OR51B5: variants seen among roughly 807,000 people sequenced by gnomAD.
The protein encoded by OR51B5 is olfactory receptor family 51 subfamily B member 5, also known as olfactory receptor 51B5.
For synonymous variants in OR51B5, 186 were observed against 144.8 expected (o/e 1.28, Z -2.04); for missense variants, 456 against 374.6 (o/e 1.22, Z -1.79).
At chr11:5,407,955 A>C (rs188841783) in intron 1 of OR51B5, among the ~76,000 whole-genome samples, 3 of 152,130 alleles carry the variant, frequency 2.0e-5, no homozygotes, top group African/African-American at 7.2e-5. Flanking sequence ...AAGATTTGAG[A>C]GAATATATTT....
intron 1 of OR51B5, chr11:5,430,525 C>T: frequency 2.8e-6 from 1 of 360,250 alleles, no homozygotes; most frequent in Non-Finnish European, 5.5e-6. Flanking sequence ...CAGATTCAAG[C>T]CTGTTGCAAT....
At chr11:5,496,371 C>G (rs547385467) in intron 1 of OR51B5, among the ~76,000 whole-genome samples, 3 of 1,352 alleles carry the variant, frequency 2.2e-3, no homozygotes, top group Non-Finnish European at 3.5e-3. Flanking sequence ...AACAAAAATG[C>G]GATCATTCCA....
chr11:5,452,399 G>C (rs544565502), intron 1 of OR51B5, among the ~76,000 whole-genome samples: 5 of 150,944 alleles, frequency 3.3e-5, no homozygotes, highest in Non-Finnish European at 7.4e-5. Flanking sequence ...CCAACTACTC[G>C]GGAGGCTGAG....
At chr11:5,355,763 A>G (rs1475988985) in intron 1 of OR51B5, among the ~76,000 whole-genome samples, 18 of 3,436 alleles carry the variant, frequency 5.2e-3, no homozygotes, top group Non-Finnish European at 0.044. Flanking sequence ...TTTAAAAATT[A>G]AAAAAAAAAA....
intron 1 of OR51B5, among the ~76,000 whole-genome samples, chr11:5,450,426 T>G (rs979037875): frequency 5.3e-5 from 8 of 152,060 alleles, no homozygotes; most frequent in Non-Finnish European, 1.0e-4. Context: ...TGAATAAAAA[T>G]AAGACATAGG....
At chr11:5,406,798 A>G (rs528553000) in intron 1 of OR51B5, among the ~76,000 whole-genome samples, 59 of 152,264 alleles carry the variant, frequency 3.9e-4, no homozygotes, top group Non-Finnish European at 7.9e-4. Context: ...TGAGCCTGAT[A>G]TTTATTGAGA....
chr11:5,436,295 A>G (rs956957799), intron 1 of OR51B5, among the ~76,000 whole-genome samples: 8 of 152,194 alleles, frequency 5.3e-5, no homozygotes, highest in African/African-American at 1.9e-4. Context: ...TAAAATCACA[A>G]TGAAATAATA....
intron 1 of OR51B5, among the ~76,000 whole-genome samples, chr11:5,397,502 T>C (rs1849896071): frequency 6.6e-6 from 1 of 151,054 alleles, no homozygotes. Context: ...CACAATGAGA[T>C]ACCATCTCAC....
chr11:5,499,802 C>T (rs751224997), intron 1 of OR51B5, among the ~76,000 whole-genome samples: 2 of 152,200 alleles, frequency 1.3e-5, no homozygotes, highest in Non-Finnish European at 2.9e-5. Context: ...CAAGTACTAG[C>T]TTGTCAGCTT....
At chr11:5,451,253 A>G (rs1418746294) in intron 1 of OR51B5, among the ~76,000 whole-genome samples, 2 of 152,196 alleles carry the variant, frequency 1.3e-5, no homozygotes, top group Admixed American at 1.3e-4. Flanking sequence ...ACAAATACTA[A>G]AGCATAAGTC....
chr11:5,426,746 CCT>C (rs1389228855), intron 1 of OR51B5, among the ~76,000 whole-genome samples: 2 of 152,148 alleles, frequency 1.3e-5, no homozygotes, highest in Non-Finnish European at 2.9e-5. Flanking sequence ...TCTCTGTCTC[CCT>C]GTTTTTCTCA....
intron 1 of OR51B5, among the ~76,000 whole-genome samples, chr11:5,370,386 G>C (rs1264346770): frequency 6.6e-6 from 1 of 152,128 alleles, no homozygotes; most frequent in Non-Finnish European, 1.5e-5. Context: ...TAAAATAGCT[G>C]GGTTGTCAGG....
chr11:5,395,919 G>T (rs147409576), intron 1 of OR51B5, among the ~76,000 whole-genome samples: 2 of 152,324 alleles, frequency 1.3e-5, no homozygotes, highest in East Asian at 3.9e-4. Flanking sequence ...CTAATAAAAT[G>T]TGTCTATTGA....
chr11:5,347,227 T>C (rs1849007103), upstream of OR51B5, among the ~76,000 whole-genome samples: 1 of 152,180 alleles, frequency 6.6e-6, no homozygotes, highest in Non-Finnish European at 1.5e-5. Context: ...CAGTCAAATC[T>C]TTCCCAGTTT....
intron 1 of OR51B5, among the ~76,000 whole-genome samples, chr11:5,409,947 G>A (rs1850119218): frequency 6.6e-6 from 1 of 152,034 alleles, no homozygotes; most frequent in Non-Finnish European, 1.5e-5. Flanking sequence ...ACAAACAGCT[G>A]GCTTCTCAGT....
chr11:5,457,900 C>T (rs1018086711), intron 1 of OR51B5, among the ~76,000 whole-genome samples: 1 of 151,990 alleles, frequency 6.6e-6, no homozygotes, highest in Non-Finnish European at 1.5e-5. Flanking sequence ...GTATTCACTC[C>T]CATTCTGTAT....
At chr11:5,399,430 G>T (rs557626814) in intron 1 of OR51B5, among the ~76,000 whole-genome samples, 1 of 152,238 alleles carries the variant, frequency 6.6e-6, no homozygotes, top group East Asian at 1.9e-4. Flanking sequence ...AGTCCCTGAG[G>T]TAAGTATTAA....
chr11:5,361,008 G>GGGGGGGGGGGA (rs1849276128), intron 1 of OR51B5, among the ~76,000 whole-genome samples: 2 of 146,786 alleles, frequency 1.4e-5, no homozygotes, highest in African/African-American at 2.5e-5. Context: ...GGGTCGGGGG[G>GGGGGGGGGGGA]AGGGATAGCA....
At chr11:5,455,568 A>AGAGAGAGAGAGAGAGAGAAAGAGAGAG (rs531763892) in intron 1 of OR51B5, 6 of 135,426 alleles carry the variant, frequency 4.4e-5, no homozygotes, top group Non-Finnish European at 9.3e-5. Flanking sequence ...AAGGGGGGAG[A>AGAGAGAGAGAGAGAGAGAAAGAGAGAG]GAGAGAGAGA....
Sources: allele counts gnomAD v4.1 joint callset (sites outside exome capture counted in the v4.1 genomes callset), GRCh38; gene constraint gnomAD v4.1.1; transcripts MANE v1.5; gene names NCBI Gene and HGNC (gene_info 2026-07-23, HGNC 2026-07-21).